Variants in MICALL1 observed in about 807,000 individuals in gnomAD.
MICALL1 encodes the protein MICAL-like protein 1.
Under a neutral mutation model 83.7 loss-of-function variants are expected in MICALL1, and 61 were observed. The ratio of observed to expected loss-of-function variants is 0.73; its 90% confidence interval spans 0.59 to 0.90. The LOEUF is 0.90. Ranked by LOEUF, MICALL1 falls within the 40% of genes least tolerant of loss-of-function variation. The pLI, the probability that MICALL1 is intolerant of heterozygous loss-of-function variation, is 0.00. For synonymous variants in MICALL1, 481 were observed against 473.6 expected, an observed-to-expected ratio of 1.02 and a Z score of -0.20; for missense variants, 1,066 against 1,152.0, an observed-to-expected ratio of 0.93 and a Z score of 1.08.
At position 37,908,950 on chromosome 22, in the gene MICALL1, C is replaced by G. The variant is rs908779489; in HGVS notation, c.146+2382C>G. Among the ~76,000 whole-genome samples the G allele has an allele frequency of 3.9e-5, 6 of 152,280 alleles. No individual in the cohort carries two copies. In the South Asian group the frequency reaches 8.3e-4, roughly 21 times the overall value. ...AGGCTGTGTAGCTGAGTGGGGAGCA[C>G]AAGGTAGCGAGTTGGGAGATGCAGT... On this transcript the variant is annotated intron_variant, in intron 1 of 15. Transcript: ENST00000215957.
intron 3 of MICALL1, among the ~76,000 whole-genome samples, chr22:37,914,980 G>C (rs1013491398): frequency 6.6e-6 from 1 of 151,362 alleles, no homozygotes; most frequent in African/African-American, 2.4e-5. Flanking sequence ...AAAAATAGCC[G>C]GGTGAAGTGG....
chr22:37,921,071 G>A (rs1929004174), intron 5 of MICALL1, among the ~76,000 whole-genome samples: 1 of 152,074 alleles, frequency 6.6e-6, no homozygotes, highest in Admixed American at 6.6e-5. Context: ...CTGGGTGACA[G>A]TGAGACCCTG....
chr22:37,919,122 G>C lies in MICALL1; in HGVS notation c.513G>C (p.Val171=). The C allele has an allele frequency of 6.4e-7, 1 of 1,551,564 alleles. No individual in the cohort carries two copies. The highest frequency in any genetic ancestry group is 8.7e-7 in the Non-Finnish European group (1 of 1,147,410). ...SSTCAACQQH[V]HLVQRYLADG... ...CGTGCGCAGCCTGCCAGCAGCATGT[G>C]CACTTGGTGCAGCGCTACCTGGCTG... The change falls in exon 5 of 16, where the codon GTG becomes GTC. Residue 171 remains valine (V), a synonymous_variant. Coordinates refer to ENST00000215957, the MANE Select transcript of MICALL1 (RefSeq NM_033386.4).
At chr22:37,922,791 T>G (rs1307565329) in intron 6 of MICALL1, among the ~76,000 whole-genome samples, 22 of 138,804 alleles carry the variant, frequency 1.6e-4, no homozygotes, top group East Asian at 8.1e-4. Context: ...GTTTTGTTTT[T>G]TTTTGTTTTT....
Position 37,932,244 on chromosome 22 carries a change from G to A in MICALL1, c.2017-309G>A, listed in dbSNP as rs1308978164. 6.6e-6 allele frequency among the ~76,000 whole-genome samples: 1 copy of A among 152,234 alleles called. No individual in the cohort carries two copies. Among genetic ancestry groups the A allele is most frequent in the African/African-American group, 2.4e-5 (1 of 41,470 alleles). On this transcript the variant is annotated intron_variant, in intron 10 of 15. Coordinates refer to ENST00000215957, the MANE Select transcript of MICALL1 (RefSeq NM_033386.4). The surrounding 1 kb of genome is among the most constrained non-coding windows in gnomAD (Gnocchi z 4.4). ...TTAGAGTGTTCTCAAGTTTATCTCT[G>A]TAATAAGGTCACTCTCACTGACATT...
Position 37,927,812 on chromosome 22 carries a change from C to G in MICALL1, c.1867C>G (p.Gln623Glu). The stretch of plus-strand genomic sequence containing the variant: ...GCCTTCCCCTGGAAGCTCGTCCCCA[C>G]AGCTGCAGGTAAAGGTGAGTGCCCC... Reference protein sequence around the residue: ...PVPSPGSSSPQLQVKSSCKEN... With the variant: ...PVPSPGSSSPELQVKSSCKEN... Residue 623 changes from glutamine (Q) to glutamate (E), a missense_variant, in exon 9 of 16, where the codon CAG (glutamine) becomes GAG (glutamate). Gln to Glu is a conservative substitution (Grantham distance 29). Transcript: ENST00000215957. 1 of 1,608,068 alleles carries G rather than the reference C, an allele frequency of 6.2e-7. No individual in the cohort carries two copies. The highest frequency in any genetic ancestry group is 8.5e-7 in the Non-Finnish European group (1 of 1,176,530).
At position 37,927,603 on chromosome 22, in the gene MICALL1, G is replaced by C; in HGVS notation, c.1658G>C (p.Ser553Thr). The change falls in exon 9 of 16, where the codon AGC becomes ACC. Residue 553 changes from serine (S) to threonine (T), a missense_variant. Coordinates refer to ENST00000215957, the MANE Select transcript of MICALL1 (RefSeq NM_033386.4). ...HAPGTPGNPV[S>T]LSTNSSLASS... ...CCTGGTACCCCTGGAAACCCTGTCA[G>C]CCTCTCTACCAACTCCTCCCTGGCC... 6.2e-7 allele frequency: 1 copy of C among 1,613,668 alleles called. No homozygotes were observed. Among genetic ancestry groups the C allele is most frequent in the Non-Finnish European group, 8.5e-7 (1 of 1,179,592 alleles).
rs534585882 is a variant in MICALL1 at position 37,917,324 on chromosome 22, G to T, written c.338-383G>T. Among the ~76,000 whole-genome samples, 3 of 152,320 alleles carry T rather than the reference G, an allele frequency of 2.0e-5. No homozygotes were observed. In the South Asian group the frequency reaches 6.2e-4, roughly 32 times the overall value. On this transcript the variant is annotated intron_variant, in intron 3 of 15. Transcript: ENST00000215957. The stretch of plus-strand genomic sequence containing the variant: ...AGGCAGCGCCTTTCCTGAGCTGTCA[G>T]GGCAGCACCATATGGTTCCTTTCTT...
At chr22:37,931,958 C>T in intron 10 of MICALL1, 25 bp downstream of exon 10, 1 of 1,610,372 alleles carries the variant, frequency 6.2e-7, no homozygotes, top group South Asian at 1.1e-5. Flanking sequence ...CCCCCCGAGA[C>T]CAGGCTGGCC....
chr22:37,928,461 C>G (rs957306461), intron 9 of MICALL1, among the ~76,000 whole-genome samples: 1 of 152,256 alleles, frequency 6.6e-6, no homozygotes, highest in Admixed American at 6.5e-5. Context: ...CCGCCTTGGC[C>G]TCCCAAAGTG....
intron 13 of MICALL1, among the ~76,000 whole-genome samples, chr22:37,933,455 C>T (rs1293922332): frequency 6.6e-6 from 1 of 152,188 alleles, no homozygotes; most frequent in South Asian, 2.1e-4. Flanking sequence ...CCTTCTTCTG[C>T]CACTAACTTG....
At chr22:37,922,550 T>G in intron 6 of MICALL1, 124 bp downstream of exon 6, 1 of 503,328 alleles carries the variant, frequency 2.0e-6, no homozygotes, top group South Asian at 3.3e-5. Context: ...TGTGCTGTGT[T>G]GGGGCCTGCC....
intron 14 of MICALL1, 73 bp from the exon 15 acceptor site, chr22:37,937,673 C>G (rs1930211833): frequency 6.5e-7 from 1 of 1,528,012 alleles, no homozygotes; most frequent in Non-Finnish European, 9.0e-7. Flanking sequence ...ATCCACCCAC[C>G]TTGGCCTCCC....
chr22:37,923,014 C>A lies in MICALL1; in HGVS notation c.1024+588C>A, dbSNP rs866912428. Reference sequence around the variant, plus strand: ...GCAGTGGTGCGATCTCGGCTCACTGCAACCTTTGCCTCCCGGCTTCAATCA... The same window carrying A: ...GCAGTGGTGCGATCTCGGCTCACTGAAACCTTTGCCTCCCGGCTTCAATCA... On this transcript the variant is annotated intron_variant, in intron 6 of 15. Coordinates refer to ENST00000215957, the MANE Select transcript of MICALL1 (RefSeq NM_033386.4). Among the ~76,000 whole-genome samples the A allele has an allele frequency of 6.6e-5, 10 of 151,782 alleles. No individual in the cohort carries two copies. In the Middle Eastern group the frequency reaches 0.014, roughly 208 times the overall value.
intron 9 of MICALL1, among the ~76,000 whole-genome samples, chr22:37,928,996 A>G (rs1929645084): frequency 6.6e-6 from 1 of 151,978 alleles, no homozygotes; most frequent in Non-Finnish European, 1.5e-5. Context: ...GGTGGCAGGC[A>G]CCTGTAATCC....
At chr22:37,923,854 A>G (rs899998510) in intron 6 of MICALL1, among the ~76,000 whole-genome samples, 61 of 152,004 alleles carry the variant, frequency 4.0e-4, no homozygotes, top group African/African-American at 1.5e-3. Flanking sequence ...CTAGAAGGGG[A>G]GAGCTCAGGG....
At chr22:37,939,831 G>A (rs560747680) in intron 15 of MICALL1, among the ~76,000 whole-genome samples, 2 of 149,612 alleles carry the variant, frequency 1.3e-5, no homozygotes, top group East Asian at 2.0e-4. Context: ...GCTCACGCCT[G>A]TAATCCCAGC....
rs566383368 is a variant in MICALL1 at position 37,940,903 on chromosome 22, G to A, written c.*73G>A. 2.2e-5 allele frequency: 35 copies of A among 1,582,946 alleles called. No individual in the cohort carries two copies. Among genetic ancestry groups the A allele is most frequent in the Admixed American group, 1.9e-4 (11 of 58,200 alleles). ...GGGCTGTGCTCTGTTTGAAGGGGGC[G>A]CCCTGCTCCCCTCAGATCAGTCAGG... On this transcript the variant is annotated 3_prime_UTR_variant, in exon 16 of 16. Transcript: ENST00000215957.
chr22:37,922,956 G>A lies in MICALL1; in HGVS notation c.1024+530G>A, dbSNP rs555191824. Among the ~76,000 whole-genome samples, 271 of 145,424 alleles carry A rather than the reference G, an allele frequency of 1.9e-3. 3 individuals carry two copies. In the South Asian group the frequency reaches 0.025, roughly 13 times the overall value. On this transcript the variant is annotated intron_variant, in intron 6 of 15. Transcript: ENST00000215957. ...CCCAGCCTATTATTATTATTTTTGAGATGGAATCCCACTCTGTCACCCAGG... is the reference window on the plus strand; with the variant it reads ...CCCAGCCTATTATTATTATTTTTGAAATGGAATCCCACTCTGTCACCCAGG...
Sources: allele counts gnomAD v4.1 joint callset (sites outside exome capture counted in the v4.1 genomes callset), GRCh38; gene constraint gnomAD v4.1.1; non-coding constraint Gnocchi (gnomAD v3.1); transcripts MANE v1.5; gene names NCBI Gene and HGNC (gene_info 2026-07-23, HGNC 2026-07-21).